Variants in PARVB observed in about 807,000 individuals in gnomAD.
The protein encoded by PARVB is beta-parvin.
Under a neutral mutation model 47.0 loss-of-function variants are expected in PARVB, and 46 were observed. The ratio of observed to expected loss-of-function variants is 0.98; its 90% CI spans 0.77 to 1.25. The LOEUF is 1.25. Among genes scored for constraint, PARVB ranks in the 50% most tolerant of loss-of-function variants. The probability of loss-of-function intolerance (pLI) is 0.00; values close to 1 mark genes in which losing one functional copy is unlikely to be tolerated. For synonymous variants in PARVB, 196 were observed against 196.3 expected, an observed-to-expected ratio of 1.00 and a Z score of 0.01; for missense variants, 473 against 471.6, an observed-to-expected ratio of 1.00 and a Z score of -0.03.
chr22:44,159,056 T>G (rs2053995954), intron 11 of PARVB, among the ~76,000 whole-genome samples: 1 of 152,038 alleles, frequency 6.6e-6, no homozygotes, highest in Admixed American at 6.6e-5. Context: ...GGAGTCCATG[T>G]TGAATCGAGA....
intron 1 of PARVB, among the ~76,000 whole-genome samples, chr22:44,042,902 T>C (rs958977474): frequency 1.3e-5 from 2 of 152,218 alleles, no homozygotes; most frequent in Non-Finnish European, 2.9e-5. Flanking sequence ...CTTAGCTGGC[T>C]TGATCAGAAC....
chr22:44,023,534 A>G (rs2050677241), upstream of PARVB, among the ~76,000 whole-genome samples: 1 of 97,382 alleles, frequency 1.0e-5, no homozygotes, highest in Admixed American at 1.0e-4. Flanking sequence ...AAATAAAACA[A>G]AACAAAATAA....
In PARVB at chr22:44,155,004, G is replaced by GGT. The variant is rs764405598; in HGVS notation, c.844-2966_844-2965dup. On this transcript the variant is annotated intron_variant, in intron 10 of 12. Transcript: ENST00000338758. This position sits in a 1 kb window ranked among gnomAD's most constrained non-coding sequence, Gnocchi z 4.8. ...TGTGTGTGGTTTTTGTAGTCTGTGT[G>GGT]GTGTGTGTGTGTGGTTTTTGTAGTC... Among the ~76,000 whole-genome samples, 1 of 111,488 alleles carries GGT rather than the reference G, an allele frequency of 9.0e-6. No homozygotes were observed. The highest frequency in any genetic ancestry group is 4.1e-5 in the African/African-American group (1 of 24,520). 73.1% of individuals were successfully genotyped at this position (111,488 alleles called of 152,430 possible). A position where few individuals can be genotyped will look rare whatever the true frequency, so the allele number is the denominator to read the frequency against.
At chr22:44,019,509 C>T (rs985948199), upstream of PARVB, among the ~76,000 whole-genome samples, 7 of 152,236 alleles carry the variant, frequency 4.6e-5, no homozygotes, top group Non-Finnish European at 8.8e-5. Context: ...CATGAGCCAC[C>T]GTGCCCGGCT....
intron 8 of PARVB, chr22:44,142,024 C>A (rs977498076): frequency 6.6e-6 from 1 of 152,084 alleles, no homozygotes; most frequent in Non-Finnish European, 1.5e-5. Flanking sequence ...TCTGTCACCT[C>A]TTCTCCATCT....
chr22:44,101,504 C>T (rs982493204), intron 3 of PARVB, among the ~76,000 whole-genome samples: 6 of 152,220 alleles, frequency 3.9e-5, no homozygotes, highest in East Asian at 1.9e-4. Context: ...AATCCCAGTA[C>T]TTTGGGAGGC....
intron 2 of PARVB, among the ~76,000 whole-genome samples, chr22:44,017,340 T>G (rs529687916): frequency 6.6e-6 from 1 of 152,330 alleles, no homozygotes; most frequent in East Asian, 1.9e-4. Context: ...AGGTGAACGA[T>G]GATAAACTTT....
chr22:44,140,445 G>C (rs566140167), intron 8 of PARVB: 3 of 692,652 alleles, frequency 4.3e-6, no homozygotes, highest in Non-Finnish European at 8.1e-6. Context: ...TCAGGGGCTG[G>C]AGCAAGAGTG....
intron 2 of PARVB, among the ~76,000 whole-genome samples, chr22:44,006,667 C>T (rs1569045302): frequency 1.3e-5 from 2 of 152,160 alleles, no homozygotes; most frequent in African/African-American, 2.4e-5. Context: ...CCAGGCCCTG[C>T]CCAGCCCACC....
intron 1 of PARVB, among the ~76,000 whole-genome samples, chr22:44,052,566 G>C (rs2051229250): frequency 6.6e-6 from 1 of 152,242 alleles, no homozygotes; most frequent in Non-Finnish European, 1.5e-5. Context: ...CTGTAGGAAT[G>C]AATCAACTCT....
At chr22:44,098,876 T>C (rs2052372811) in intron 2 of PARVB, among the ~76,000 whole-genome samples, 1 of 152,192 alleles carries the variant, frequency 6.6e-6, no homozygotes, top group African/African-American at 2.4e-5. Flanking sequence ...GATTTCACTA[T>C]GTAGCCCAGG....
intron 1 of PARVB, among the ~76,000 whole-genome samples, chr22:44,060,468 G>A (rs1360900787): frequency 1.3e-5 from 2 of 152,184 alleles, no homozygotes; most frequent in Admixed American, 1.3e-4. Flanking sequence ...CTGGTGGAAA[G>A]ATGGTGGAAG....
intron 1 of PARVB, among the ~76,000 whole-genome samples, chr22:44,077,273 C>T (rs903649942): frequency 6.6e-6 from 1 of 152,158 alleles, no homozygotes; most frequent in Non-Finnish European, 1.5e-5. Context: ...TGTTCCCTGC[C>T]GTGGGCCACA....
chr22:44,080,766 C>T (rs901309427), intron 1 of PARVB, among the ~76,000 whole-genome samples: 6 of 152,242 alleles, frequency 3.9e-5, no homozygotes, highest in South Asian at 4.2e-4. Context: ...GGTAGAGTCC[C>T]GAAACCCTGA....
At chr22:44,008,642 A>G (rs9614308) in intron 2 of PARVB, among the ~76,000 whole-genome samples, 120,880 of 152,080 alleles carry the variant, frequency 0.79, 48,815 homozygotes, top group African/African-American at 0.94. Context: ...GAGGACACGG[A>G]TCCAAGAGTG....
rs2052488171 is a variant in PARVB at position 44,103,103 on chromosome 22, C to T, written c.273+2980C>T. 6.6e-6 allele frequency: 1 copy of T among 152,314 alleles called. No homozygotes were observed. The highest frequency in any genetic ancestry group is 1.5e-5 in the Non-Finnish European group (1 of 68,156). The allele number at this position is 152,314 out of a possible 1,614,324, so 9.4% of individuals were successfully genotyped here. ...CCTTTGCTGCTTTGCTGCCAAAGAC[C>T]CCCAGGCTGTTTTGGCCTTGGTGGG... On this transcript the variant is annotated intron_variant, in intron 3 of 12. Transcript: ENST00000338758. The surrounding 1 kb of genome is among the most constrained non-coding windows in gnomAD (Gnocchi z 4.6).
At chr22:44,050,422 C>A (rs2051188285) in intron 1 of PARVB, among the ~76,000 whole-genome samples, 1 of 151,774 alleles carries the variant, frequency 6.6e-6, no homozygotes, top group Admixed American at 6.6e-5. Flanking sequence ...CAGCTCACTG[C>A]AACCTCCGCC....
In PARVB at chr22:44,068,162, G is replaced by A. The variant is rs1451210102; in HGVS notation, c.113-25766G>A. ...CCTCCAGGAAGCCAGCCTCAGGAAA[G>A]AGCTTCCACAGGGAGTTGGGGGACT... On this transcript the variant is annotated intron_variant, in intron 1 of 12. Coordinates refer to ENST00000338758, the MANE Select transcript of PARVB (RefSeq NM_013327.5). The surrounding 1 kb of genome is among the most constrained non-coding windows in gnomAD (Gnocchi z 4.1). 6.6e-6 allele frequency among the ~76,000 whole-genome samples: 1 copy of A among 152,216 alleles called. No individual in the cohort carries two copies. The highest frequency in any genetic ancestry group is 2.4e-5 in the African/African-American group (1 of 41,462).
intron 1 of PARVB, among the ~76,000 whole-genome samples, chr22:44,028,304 A>ATT (rs35072055): frequency 1.3e-4 from 16 of 123,510 alleles, no homozygotes; most frequent in African/African-American, 4.1e-4. Context: ...ACCACGGATC[A>ATT]TTTTTTTGTT....
Sources: gnomAD v4.1 joint callset for allele counts (sites outside exome capture counted in the v4.1 genomes callset) on GRCh38, gnomAD v4.1.1 for gene constraint, Gnocchi (gnomAD v3.1) non-coding constraint, MANE v1.5 for transcripts, NCBI Gene and HGNC (gene_info 2026-07-23, HGNC 2026-07-21) for gene names.